Variants in FCHSD2 observed in about 807,000 individuals in gnomAD.
FCHSD2 encodes the protein FCH and double SH3 domains 2.
Under a neutral mutation model 108.1 loss-of-function variants are expected in FCHSD2, and 38 were observed. That is an observed-to-expected ratio of 0.35 (90% confidence interval 0.27 to 0.46). The LOEUF is 0.46. FCHSD2 is among the 20% of genes least tolerant of loss of function. The pLI is 1.00. For missense variants in FCHSD2, 751 were observed against 897.8 expected, an observed-to-expected ratio of 0.84 and a Z score of 2.09; for synonymous variants, 279 against 314.7, an observed-to-expected ratio of 0.89 and a Z score of 1.20.
At chr11:73,032,219 T>C (rs1463692879) in intron 3 of FCHSD2, among the ~76,000 whole-genome samples, 2 of 152,164 alleles carry the variant, frequency 1.3e-5, no homozygotes, top group South Asian at 2.1e-4. Context: ...TTTATACCAC[T>C]GGATTGTTCA....
At chr11:73,115,103 C>A (rs955181343) in intron 2 of FCHSD2, among the ~76,000 whole-genome samples, 1 of 152,238 alleles carries the variant, frequency 6.6e-6, no homozygotes, top group Non-Finnish European at 1.5e-5. Context: ...GTTCCAACAA[C>A]TGGGCTGGGA....
At chr11:72,882,154 G>A (rs923550774) in intron 12 of FCHSD2, among the ~76,000 whole-genome samples, 8 of 142,018 alleles carry the variant, frequency 5.6e-5, no homozygotes, top group Admixed American at 1.4e-4. Context: ...AAAAAAAAGA[G>A]AGCAGAGGCT....
intron 2 of FCHSD2, among the ~76,000 whole-genome samples, chr11:73,104,559 C>A (rs1386929662): frequency 6.6e-6 from 1 of 151,330 alleles, no homozygotes; most frequent in Non-Finnish European, 1.5e-5. Flanking sequence ...CCACACCTGG[C>A]CAAAACTTTA....
intron 6 of FCHSD2, among the ~76,000 whole-genome samples, chr11:72,985,549 T>C (rs543282827): frequency 4.6e-5 from 7 of 152,184 alleles, no homozygotes; most frequent in East Asian, 1.9e-4. Flanking sequence ...TTCAGGGCTG[T>C]GTGTGAAAGA....
intron 8 of FCHSD2, among the ~76,000 whole-genome samples, chr11:72,938,176 G>GTTTTTTTTTTTTTTTT: frequency 8.9e-6 from 1 of 112,566 alleles, no homozygotes; most frequent in Non-Finnish European, 1.8e-5. Context: ...TTATGAAGGA[G>GTTTTTTTTTTTTTTTT]TTTTTTTTTT....
chr11:72,902,763 AAAG>A, intron 9 of FCHSD2, 125 bp from the exon 10 acceptor site: 1 of 584,168 alleles, frequency 1.7e-6, no homozygotes, highest in Non-Finnish European at 2.9e-6. Context: ...CTGTGGTAAA[AAAG>A]AAATGGTGTT....
intron 8 of FCHSD2, among the ~76,000 whole-genome samples, chr11:72,959,853 GGT>G (rs58451717): frequency 0.021 from 3,024 of 145,848 alleles, 69 homozygotes; most frequent in African/African-American, 0.059. Context: ...AAGTTTCTAG[GGT>G]GTGTGTGTGT....
intron 10 of FCHSD2, among the ~76,000 whole-genome samples, chr11:72,896,375 C>G (rs1401718694): frequency 6.6e-6 from 1 of 152,138 alleles, no homozygotes; most frequent in African/African-American, 2.4e-5. Flanking sequence ...GCATGTTTCC[C>G]ATATTATTTC....
intron 12 of FCHSD2, among the ~76,000 whole-genome samples, chr11:72,876,263 G>A (rs908363966): frequency 6.6e-6 from 1 of 152,212 alleles, no homozygotes; most frequent in Non-Finnish European, 1.5e-5. Context: ...CCACGAGGTT[G>A]AGGCTGCAGT....
chr11:72,999,558 G>A (rs1367262586), intron 5 of FCHSD2, among the ~76,000 whole-genome samples: 2 of 152,034 alleles, frequency 1.3e-5, no homozygotes, highest in Non-Finnish European at 2.9e-5. Flanking sequence ...GACCTCAGGT[G>A]ATCCACCCGG....
chr11:73,057,563 A>G (rs1376288315), intron 3 of FCHSD2, among the ~76,000 whole-genome samples: 3 of 152,110 alleles, frequency 2.0e-5, no homozygotes. Context: ...GAGGGAGGAG[A>G]AAACATCTAT....
intron 8 of FCHSD2, among the ~76,000 whole-genome samples, chr11:72,971,093 C>T (rs139075918): frequency 1.0e-3 from 157 of 152,226 alleles, no homozygotes; most frequent in African/African-American, 3.6e-3. Context: ...GACTTGAAGG[C>T]AAACTAAATG....
At chr11:73,025,325 T>A (rs1453934733) in intron 3 of FCHSD2, among the ~76,000 whole-genome samples, 1 of 152,192 alleles carries the variant, frequency 6.6e-6, no homozygotes, top group Non-Finnish European at 1.5e-5. Context: ...AAGAATGAGA[T>A]AATGTCTTCT....
At position 73,031,044 on chromosome 11, in the gene FCHSD2, T is replaced by C. The variant is rs185663457; in HGVS notation, c.166-15159A>G. ...TATTCAGCCTTAAAAAAAAGGGAGA[T>C]CCTGCTATTTGTCACAACATGTATG... On this transcript the variant is annotated intron_variant, in intron 3 of 19. Coordinates refer to ENST00000409418, the MANE Select transcript of FCHSD2 (RefSeq NM_014824.3). 2.6e-5 allele frequency among the ~76,000 whole-genome samples: 4 copies of C among 151,920 alleles called. No individual in the cohort carries two copies. The East Asian group carries it at 7.7e-4, about 29-fold the overall frequency.
chr11:73,118,492 C>T (rs1189188518), intron 2 of FCHSD2, among the ~76,000 whole-genome samples: 2 of 152,166 alleles, frequency 1.3e-5, no homozygotes, highest in African/African-American at 4.8e-5. Flanking sequence ...GTATATAATT[C>T]TGGAGTATAG....
intron 9 of FCHSD2, among the ~76,000 whole-genome samples, chr11:72,912,604 T>C (rs747445193): frequency 3.9e-5 from 6 of 152,222 alleles, no homozygotes; most frequent in African/African-American, 7.2e-5. Flanking sequence ...TGTGTCTTTG[T>C]CTGATTTTGG....
At chr11:72,982,990 T>C (rs947301287) in intron 8 of FCHSD2, among the ~76,000 whole-genome samples, 2 of 149,902 alleles carry the variant, frequency 1.3e-5, no homozygotes, top group Non-Finnish European at 2.9e-5. Context: ...GCAAGACTCT[T>C]GTTTCTAAAA....
intron 8 of FCHSD2, among the ~76,000 whole-genome samples, chr11:72,982,716 T>C (rs1857236487): frequency 6.6e-6 from 1 of 152,200 alleles, no homozygotes; most frequent in Non-Finnish European, 1.5e-5. Context: ...TTCAGAGTAA[T>C]ACCCAGAGGA....
chr11:73,066,162 G>C (rs1859287449), intron 3 of FCHSD2, among the ~76,000 whole-genome samples: 1 of 152,104 alleles, frequency 6.6e-6, no homozygotes, highest in South Asian at 2.1e-4. Context: ...ATAGACCAAT[G>C]GAACAGAACA....
Sources: gnomAD v4.1 joint callset for allele counts (sites outside exome capture counted in the v4.1 genomes callset) on GRCh38, gnomAD v4.1.1 for gene constraint, MANE v1.5 for transcripts, NCBI Gene and HGNC (gene_info 2026-07-23, HGNC 2026-07-21) for gene names.